The following TMEM135 variants were observed in gnomAD, a reference collection of about 807,000 sequenced individuals.
TMEM135 encodes transmembrane protein 135.
TMEM135 carries 30 observed loss-of-function variants against 60.3 expected under a neutral mutation model. That is an observed-to-expected ratio of 0.50 (90% CI 0.37 to 0.68). TMEM135 has a LOEUF of 0.68. Among genes scored for constraint, TMEM135 ranks in the 30% least tolerant of loss-of-function variants. TMEM135 has a pLI of 0.00. For missense variants in TMEM135, 468 were observed against 548.8 expected (o/e 0.85, Z 1.47); for synonymous variants, 190 against 186.7 (o/e 1.02, Z -0.14).
At chr11:87,231,671 G>C (rs1940891521) in intron 5 of TMEM135, among the ~76,000 whole-genome samples, 1 of 152,010 alleles carries the variant, frequency 6.6e-6, no homozygotes, top group African/African-American at 2.4e-5. Flanking sequence ...AGATAAATCA[G>C]CAAATTAATG....
chr11:87,061,918 C>T (rs917009871), intron 1 of TMEM135, among the ~76,000 whole-genome samples: 1 of 152,204 alleles, frequency 6.6e-6, no homozygotes, highest in African/African-American at 2.4e-5. Flanking sequence ...GGTCTCCATA[C>T]TTGCGTTTAA....
At chr11:87,236,503 T>C in intron 5 of TMEM135, 135 bp from the exon 6 acceptor site, 1 of 761,732 alleles carries the variant, frequency 1.3e-6, no homozygotes, top group African/African-American at 1.7e-5. Flanking sequence ...TTGAGGAATA[T>C]GAAATGTGTG....
chr11:87,298,688 G>C (rs766060975), intron 7 of TMEM135, among the ~76,000 whole-genome samples: 2 of 150,758 alleles, frequency 1.3e-5, no homozygotes, highest in Non-Finnish European at 2.9e-5. Context: ...TTGGGAGGCT[G>C]AGGGAGGAGA....
At chr11:87,131,409 G>A (rs11234986) in intron 4 of TMEM135, among the ~76,000 whole-genome samples, 19,548 of 151,776 alleles carry the variant, frequency 0.13, 1,340 homozygotes, top group Middle Eastern at 0.15. Context: ...ATTGTTTGTT[G>A]GTGTATCCCT....
intron 6 of TMEM135, chr11:87,258,980 C>A (rs1029999344): frequency 9.8e-6 from 15 of 1,528,576 alleles, no homozygotes; most frequent in South Asian, 4.5e-5. Context: ...GTCTCAAAGA[C>A]AACGGGAAGA....
chr11:87,151,228 T>C (rs137959425), intron 4 of TMEM135, among the ~76,000 whole-genome samples: 5 of 152,216 alleles, frequency 3.3e-5, no homozygotes, highest in Non-Finnish European at 7.3e-5. Flanking sequence ...TTTTGTGTCC[T>C]CTACTCTATT....
chr11:87,275,004 T>G (rs1221689963), intron 6 of TMEM135, among the ~76,000 whole-genome samples: 4 of 151,746 alleles, frequency 2.6e-5, no homozygotes, highest in Non-Finnish European at 5.9e-5. Flanking sequence ...CTTCTTTTTT[T>G]GTTTTATTAT....
At chr11:87,236,574 A>G in intron 5 of TMEM135, 64 bp from the exon 6 acceptor site, 1 of 1,447,496 alleles carries the variant, frequency 6.9e-7, no homozygotes, top group South Asian at 1.1e-5. Context: ...TTTTGCTTTT[A>G]TGAGTCACTC....
Position 87,164,056 on chromosome 11 carries a change from G to A in TMEM135, c.462+6650G>A, listed in dbSNP as rs891442674. On this transcript the variant is annotated intron_variant, in intron 5 of 14. Coordinates refer to ENST00000305494, the MANE Select transcript of TMEM135 (RefSeq NM_022918.4). ...TCTTTAGTTTAATCAGATCCCATTT[G>A]TCAATTTTGTCTTTTGTTGCCATTG... Among the ~76,000 whole-genome samples the A allele has an allele frequency of 4.8e-4, 64 of 133,492 alleles. 2 individuals carry two copies. The highest frequency in any genetic ancestry group is 8.0e-4 in the Non-Finnish European group (51 of 63,642). 87.6% of individuals were successfully genotyped at this position (133,492 alleles called of 152,430 possible).
intron 6 of TMEM135, among the ~76,000 whole-genome samples, chr11:87,244,413 T>C (rs1454974703): frequency 1.2e-5 from 1 of 81,612 alleles, no homozygotes; most frequent in East Asian, 2.2e-4. Flanking sequence ...TTGGAATAGT[T>C]TCAGAAGGAA....
At chr11:87,110,110 T>G (rs887175184) in intron 4 of TMEM135, among the ~76,000 whole-genome samples, 1 of 152,142 alleles carries the variant, frequency 6.6e-6, no homozygotes. Flanking sequence ...TGAGTGGCAG[T>G]GTACCCACTG....
At chr11:87,121,464 A>G (rs1402186632) in intron 4 of TMEM135, 1 of 152,002 alleles carries the variant, frequency 6.6e-6, no homozygotes, top group Non-Finnish European at 1.5e-5. Flanking sequence ...AAGCTTCTGG[A>G]ATATTGAGGA....
chr11:87,134,369 C>T (rs1444174973), intron 4 of TMEM135, among the ~76,000 whole-genome samples: 2 of 152,146 alleles, frequency 1.3e-5, no homozygotes, highest in African/African-American at 4.8e-5. Context: ...CAGTTACATT[C>T]TGAGATATTG....
chr11:87,123,425 A>G (rs1937636645), intron 4 of TMEM135, among the ~76,000 whole-genome samples: 2 of 152,074 alleles, frequency 1.3e-5, no homozygotes, highest in Admixed American at 6.6e-5. Flanking sequence ...GTGATTTTGT[A>G]TTTGGATTCC....
intron 6 of TMEM135, among the ~76,000 whole-genome samples, chr11:87,251,803 A>G: frequency 6.6e-6 from 1 of 152,220 alleles, no homozygotes; most frequent in East Asian, 1.9e-4. Context: ...GTGACTGATC[A>G]CTTAGCAAAC....
chr11:87,053,133 G>A (rs1949854703), intron 1 of TMEM135, among the ~76,000 whole-genome samples: 1 of 111,934 alleles, frequency 8.9e-6, no homozygotes, highest in African/African-American at 3.8e-5. Flanking sequence ...ATGGACACAG[G>A]AAGGGGAATA....
chr11:87,185,913 C>CGTTTTTTTTTTTTTT (rs1939641104), intron 5 of TMEM135, among the ~76,000 whole-genome samples: 1 of 138,854 alleles, frequency 7.2e-6, no homozygotes, highest in African/African-American at 2.7e-5. Context: ...AGTTATCCTT[C>CGTTTTTTTTTTTTTT]TTTTTTTTTT....
At chr11:87,291,696 C>T (rs2135430371) in intron 6 of TMEM135, among the ~76,000 whole-genome samples, 1 of 152,022 alleles carries the variant, frequency 6.6e-6, no homozygotes, top group Non-Finnish European at 1.5e-5. Flanking sequence ...GCATCTGTCA[C>T]CACGCCCGGC....
At chr11:87,273,359 A>G (rs1207279966) in intron 6 of TMEM135, among the ~76,000 whole-genome samples, 5 of 152,108 alleles carry the variant, frequency 3.3e-5, no homozygotes, top group Admixed American at 2.0e-4. Context: ...TCTTGACAAT[A>G]TTTGACTTCA....
Sources: gnomAD v4.1 joint callset for allele counts (sites outside exome capture counted in the v4.1 genomes callset) on GRCh38, gnomAD v4.1.1 for gene constraint, MANE v1.5 for transcripts, NCBI Gene and HGNC (gene_info 2026-07-23, HGNC 2026-07-21) for gene names.